IQCM: variants seen among roughly 807,000 people sequenced by gnomAD.
IQCM encodes IQ domain-containing protein M.
IQCM carries 45 observed loss-of-function variants against 57.6 expected under a neutral mutation model. The observed-to-expected ratio is 0.78, with a 90% CI of 0.62 to 1.00. The LOEUF is 1.00. IQCM is among the 50% of genes least tolerant of loss of function. IQCM has a pLI of 0.00. For synonymous variants in IQCM, 148 were observed against 158.9 expected, an observed-to-expected ratio of 0.93 and a Z score of 0.51; for missense variants, 468 against 511.6, an observed-to-expected ratio of 0.91 and a Z score of 0.82.
intron 7 of IQCM, among the ~76,000 whole-genome samples, chr4:149,654,116 G>C (rs150733011): frequency 1.3e-5 from 2 of 152,288 alleles, no homozygotes; most frequent in East Asian, 1.9e-4. Context: ...ACACAAGTTA[G>C]GGAAGATAAT....
intron 12 of IQCM, among the ~76,000 whole-genome samples, chr4:149,468,607 G>A (rs984085277): frequency 1.3e-5 from 2 of 152,110 alleles, no homozygotes; most frequent in African/African-American, 4.8e-5. Context: ...ATCCCTGTCT[G>A]ACAGCTTTGA....
At chr4:149,658,504 A>T (rs72726176) in intron 7 of IQCM, among the ~76,000 whole-genome samples, 31,747 of 151,926 alleles carry the variant, frequency 0.21, 4,124 homozygotes, top group Non-Finnish European at 0.28. Flanking sequence ...TGGTTCCATA[A>T]GAATTTTAAG....
chr4:149,799,207 C>A (rs1404463849), intron 2 of IQCM, among the ~76,000 whole-genome samples: 1 of 151,254 alleles, frequency 6.6e-6, no homozygotes, highest in African/African-American at 2.4e-5. Context: ...GGAAACTATA[C>A]AAATACATGG....
intron 12 of IQCM, among the ~76,000 whole-genome samples, chr4:149,434,428 A>C (rs17026246): frequency 0.018 from 2,702 of 152,240 alleles, 82 homozygotes; most frequent in African/African-American, 0.062. Flanking sequence ...AAAATTCAAC[A>C]AAGCAGTCTC....
intron 13 of IQCM, among the ~76,000 whole-genome samples, chr4:149,394,730 C>A (rs1732108198): frequency 6.6e-6 from 1 of 151,968 alleles, no homozygotes; most frequent in Non-Finnish European, 1.5e-5. Flanking sequence ...GCGTGAAGGG[C>A]AAAGGATCTA....
intron 2 of IQCM, among the ~76,000 whole-genome samples, chr4:149,745,230 G>A (rs1195618155): frequency 6.6e-6 from 1 of 152,154 alleles, no homozygotes; most frequent in Non-Finnish European, 1.5e-5. Context: ...TTGTGTGTCT[G>A]TTTGATTTTA....
intron 12 of IQCM, among the ~76,000 whole-genome samples, chr4:149,444,266 A>C (rs981209490): frequency 6.6e-6 from 1 of 152,058 alleles, no homozygotes; most frequent in South Asian, 2.1e-4. Context: ...TAAATAGCAC[A>C]CTTTTTCTAT....
intron 12 of IQCM, among the ~76,000 whole-genome samples, chr4:149,526,409 C>T (rs1310620183): frequency 6.6e-6 from 1 of 151,766 alleles, no homozygotes; most frequent in Non-Finnish European, 1.5e-5. Context: ...CATATATAAG[C>T]AAGAAGAAGA....
At chr4:149,553,048 C>G in intron 11 of IQCM, 95 bp downstream of exon 11, 1 of 902,126 alleles carries the variant, frequency 1.1e-6, no homozygotes, top group Non-Finnish European at 1.5e-6. Context: ...AACATATAAT[C>G]TACCTTTGCT....
chr4:149,483,402 T>C (rs1741125374), intron 12 of IQCM, among the ~76,000 whole-genome samples: 1 of 151,908 alleles, frequency 6.6e-6, no homozygotes, highest in African/African-American at 2.4e-5. Context: ...ATGCAGGTTC[T>C]TATAGCTATA....
At chr4:149,529,444 G>T (rs563332985) in intron 12 of IQCM, among the ~76,000 whole-genome samples, 17 of 152,228 alleles carry the variant, frequency 1.1e-4, no homozygotes, top group African/African-American at 4.1e-4. Flanking sequence ...CTTCCCTTGG[G>T]TTGGCGACAT....
intron 13 of IQCM, among the ~76,000 whole-genome samples, chr4:149,418,130 C>A (rs1460723486): frequency 6.8e-6 from 1 of 146,748 alleles, no homozygotes; most frequent in Non-Finnish European, 1.5e-5. Flanking sequence ...GAGAGAGAGA[C>A]CAAAAGACCC....
chr4:149,690,115 T>C (rs1478296602), intron 5 of IQCM, among the ~76,000 whole-genome samples: 1 of 152,166 alleles, frequency 6.6e-6, no homozygotes, highest in Non-Finnish European at 1.5e-5. Flanking sequence ...TGCACATGCA[T>C]GTTTATAGCA....
chr4:149,793,684 TG>T (rs1772846465), intron 2 of IQCM: 1 of 152,170 alleles, frequency 6.6e-6, no homozygotes, highest in Non-Finnish European at 1.5e-5. Flanking sequence ...AAGTATGCAC[TG>T]GGTCTGTCCA....
At chr4:149,388,607 T>TAC (rs1185179733) in intron 13 of IQCM, among the ~76,000 whole-genome samples, 3 of 141,744 alleles carry the variant, frequency 2.1e-5, no homozygotes, top group African/African-American at 7.7e-5. Flanking sequence ...TACACATATA[T>TAC]AGGCAAAGAA....
intron 5 of IQCM, among the ~76,000 whole-genome samples, chr4:149,727,202 C>G (rs527375181): frequency 4.9e-4 from 75 of 152,304 alleles, no homozygotes; most frequent in Non-Finnish European, 8.1e-4. Context: ...TGAGTCTGCA[C>G]TTACTTATAA....
At chr4:149,515,069 CACGTGT>C (rs1744806578) in intron 12 of IQCM, among the ~76,000 whole-genome samples, 1 of 43,604 alleles carries the variant, frequency 2.3e-5, no homozygotes, top group Non-Finnish European at 5.3e-5. Flanking sequence ...CATATATATA[CACGTGT>C]GTGTGTGTGT....
chr4:149,729,519 G>A (rs1015253692), intron 5 of IQCM, among the ~76,000 whole-genome samples: 4 of 151,450 alleles, frequency 2.6e-5, no homozygotes, highest in African/African-American at 9.7e-5. Context: ...TCTGTTGCCA[G>A]GCTGGAGTGC....
intron 9 of IQCM, among the ~76,000 whole-genome samples, chr4:149,566,515 CGA>C (rs144416069): frequency 7.5e-4 from 110 of 146,042 alleles, no homozygotes; most frequent in East Asian, 1.4e-3. Context: ...TACACATGTA[CGA>C]GAGAGAGAGA....
Sources: allele counts gnomAD v4.1 joint callset (sites outside exome capture counted in the v4.1 genomes callset), GRCh38; gene constraint gnomAD v4.1.1; transcripts MANE v1.5; gene names NCBI Gene and HGNC (gene_info 2026-07-23, HGNC 2026-07-21).